The following CASZ1 variants were observed in gnomAD, a reference collection of about 807,000 sequenced individuals.
The protein encoded by CASZ1 is castor zinc finger 1, also known as zinc finger protein castor homolog 1.
A neutral mutation model predicts 135.2 loss-of-function variants in CASZ1; 28 were observed. The observed-to-expected ratio is 0.21, with a 90% CI of 0.15 to 0.28. CASZ1 has a LOEUF of 0.28. Ranked by LOEUF, CASZ1 falls within the 10% of genes least tolerant of loss-of-function variation. CASZ1 has a pLI of 1.00. For synonymous variants in CASZ1, 1,068 were observed against 1,073.4 expected, an observed-to-expected ratio of 0.99 and a Z score of 0.10; for missense variants, 2,161 against 2,453.3, an observed-to-expected ratio of 0.88 and a Z score of 2.52.
In CASZ1 at chr1:10,719,516, G is replaced by A. The variant is rs1266224131; in HGVS notation, c.-76-13972C>T. On this transcript the variant is annotated intron_variant, in intron 2 of 20. Coordinates refer to ENST00000377022, the MANE Select transcript of CASZ1 (RefSeq NM_001079843.3). The surrounding 1 kb of genome is among the most constrained non-coding windows in gnomAD (Gnocchi z 4.0). Reference sequence around the variant, plus strand: ...GGAGAAGGGATCCCTAAGAAGCAGCGCTGTGGGGAAGGTGGCACCGAACAA... The same window carrying A: ...GGAGAAGGGATCCCTAAGAAGCAGCACTGTGGGGAAGGTGGCACCGAACAA... 6.6e-6 allele frequency among the ~76,000 whole-genome samples: 1 copy of A among 152,194 alleles called. No individual in the cohort carries two copies. Among genetic ancestry groups the A allele is most frequent in the Non-Finnish European group, 1.5e-5 (1 of 68,032 alleles).
chr1:10,655,897 G>C, intron 8 of CASZ1, 84 bp from the exon 9 acceptor site: 1 of 1,424,668 alleles, frequency 7.0e-7, no homozygotes, highest in Non-Finnish European at 9.8e-7. Context: ...CCTGGGCCAG[G>C]TGCTGGCCTC....
rs1185179852 is a variant in CASZ1 at position 10,778,330 on chromosome 1, ACACACAATCTCACACTTCACCT to A, written c.-233-17495_-233-17474del. On this transcript the variant is annotated intron_variant, in intron 1 of 20. Transcript: ENST00000377022. ...CACAAGCACACACTCTCACACAACC[ACACACAATCTCACACTTCACCT>A]CACACAATCTCATAAACAATCTCAT... Among the ~76,000 whole-genome samples the A allele has an allele frequency of 1.3e-4, 20 of 152,038 alleles. No homozygotes were observed. In the East Asian group the frequency reaches 3.9e-3, roughly 29 times the overall value.
In CASZ1 at chr1:10,665,483, G is replaced by A. The variant is rs768773681; in HGVS notation, c.105C>T (p.Cys35=). The change falls in exon 5 of 21, where the codon TGC becomes TGT. Residue 35 remains cysteine (C), a synonymous_variant. Coordinates refer to ENST00000377022, the MANE Select transcript of CASZ1 (RefSeq NM_001079843.3). ...CCACCACCTGGCGGCTCAGCTTGGC[G>A]CAGATGGCGTTCAGCTTCAGGCCAC... ...RKGGLKLNAI[C]AKLSRQVVVE... is the part of the protein sequence containing the mutation. 1.1e-5 allele frequency: 18 copies of A among 1,607,756 alleles called. No individual in the cohort carries two copies. The highest frequency in any genetic ancestry group is 1.7e-5 in the Admixed American group (1 of 59,962).
In CASZ1 at chr1:10,659,777, A is replaced by C; in HGVS notation, c.1265T>G (p.Phe422Cys). The C allele has an allele frequency of 1.2e-6, 2 of 1,613,830 alleles. No individual in the cohort carries two copies. Among genetic ancestry groups the C allele is most frequent in the Non-Finnish European group, 1.7e-6 (2 of 1,179,856 alleles). Residue 422 changes from phenylalanine (F) to cysteine (C), a missense_variant, in exon 6 of 21, where the codon TTC becomes TGC. Physicochemically the swap from Phe to Cys is radical, Grantham distance 205. Coordinates refer to ENST00000377022, the MANE Select transcript of CASZ1 (RefSeq NM_001079843.3). ...TGACTTCAGGTACTCGGGAGTGTTGAAGGACAGGGAGGCAGGAGGCTCTGG... is the reference window on the plus strand; with the variant it reads ...TGACTTCAGGTACTCGGGAGTGTTGCAGGACAGGGAGGCAGGAGGCTCTGG... The part of the protein sequence containing the change: ...PGPEPPASLS[F>C]NTPEYLKSTF...
intron 6 of CASZ1, 113 bp from the exon 7 acceptor site, chr1:10,658,689 G>T: frequency 1.1e-6 from 1 of 929,064 alleles, no homozygotes; most frequent in Admixed American, 1.8e-5. Context: ...GCTCTGCTCT[G>T]CAGTGTCCGA....
rs1015076811 is a variant in CASZ1 at position 10,649,540 on chromosome 1, A to T, written c.2881-103T>A. 9.9e-6 allele frequency: 13 copies of T among 1,316,236 alleles called. No homozygotes were observed. In the African/African-American group the frequency reaches 1.9e-4, roughly 20 times the overall value. The allele number at this position is 1,316,236 out of a possible 1,614,324, so 81.5% of individuals were successfully genotyped here. A position where few individuals can be genotyped will look rare whatever the true frequency, so the allele number is the denominator to read the frequency against. Reference sequence around the variant, plus strand: ...AGCTCTGGGCTGCTGGGACCCACCCAGCCCTCAGAGCCAGCAGAGAATGCG... The same window carrying T: ...AGCTCTGGGCTGCTGGGACCCACCCTGCCCTCAGAGCCAGCAGAGAATGCG... On this transcript the variant is annotated intron_variant, in intron 13 of 20. Coordinates refer to ENST00000377022, the MANE Select transcript of CASZ1 (RefSeq NM_001079843.3).
At chr1:10,651,445 G>A (rs2100209362) in intron 11 of CASZ1, 1 of 164,780 alleles carries the variant, frequency 6.1e-6, no homozygotes, top group South Asian at 1.9e-4. Flanking sequence ...AGGGAAAGTG[G>A]CAGATCTGGA....
chr1:10,692,114 G>A (rs949974031), intron 4 of CASZ1, among the ~76,000 whole-genome samples: 1 of 152,172 alleles, frequency 6.6e-6, no homozygotes, highest in African/African-American at 2.4e-5. Flanking sequence ...CCTCCTACCA[G>A]GGCTGGGAGG....
At position 10,645,052 on chromosome 1, in the gene CASZ1, G is replaced by A. The variant is rs754932225; in HGVS notation, c.3733C>T (p.Leu1245Phe). ...GTCACAAAATAGCAGCCGGTGCGGA[G>A]GCAGTGGTAGTGCCCACGCATTCGG... is the stretch of plus-strand genomic sequence containing the variant. ...EFRMRGHYHC[L>F]RTGCYFVTNI... Residue 1245 changes from leucine (L) to phenylalanine (F), a missense_variant, in exon 18 of 21, where the codon CTC (leucine) becomes TTC (phenylalanine). Leu to Phe is a conservative substitution (Grantham distance 22, BLOSUM62 0). Coordinates refer to ENST00000377022, the MANE Select transcript of CASZ1 (RefSeq NM_001079843.3). The A allele has an allele frequency of 6.2e-7, 1 of 1,614,076 alleles. No homozygotes were observed. Among genetic ancestry groups the A allele is most frequent in the Non-Finnish European group, 8.5e-7 (1 of 1,180,008 alleles).
At position 10,676,159 on chromosome 1, in the gene CASZ1, G is replaced by T. The variant is rs3748687; in HGVS notation, c.17-10588C>A. On this transcript the variant is annotated intron_variant, in intron 4 of 20. Coordinates refer to ENST00000377022, the MANE Select transcript of CASZ1 (RefSeq NM_001079843.3). This position sits in a 1 kb window ranked among gnomAD's most constrained non-coding sequence, Gnocchi z 4.5. ...GGAGGGACAGCAGGAACCCCTGAGG[G>T]TCACACAGAATGTGTGATCTCAGGG... Among the ~76,000 whole-genome samples, 9 of 151,992 alleles carry T rather than the reference G, an allele frequency of 5.9e-5. No individual in the cohort carries two copies. The highest frequency in any genetic ancestry group is 2.2e-4 in the African/African-American group (9 of 41,386).
intron 2 of CASZ1, among the ~76,000 whole-genome samples, chr1:10,732,819 T>C (rs1639726499): frequency 6.6e-6 from 1 of 152,050 alleles, no homozygotes. Context: ...CATCAGGGCA[T>C]AAGGAGGAGC....
Position 10,647,433 on chromosome 1 carries a change from C to T in CASZ1, c.3497+368G>A. ...GAGATTCAGCCATGGGTGTGAGCCA[C>T]AGAGGAGGCCAATACGGAGGCTCGG... On this transcript the variant is annotated intron_variant, in intron 16 of 20. Transcript: ENST00000377022. The surrounding 1 kb of genome is among the most constrained non-coding windows in gnomAD (Gnocchi z 4.9). 1 of 1,151,364 alleles carries T rather than the reference C, an allele frequency of 8.7e-7. No homozygotes were observed. 71.3% of individuals were successfully genotyped at this position (1,151,364 alleles called of 1,614,324 possible).
intron 4 of CASZ1, among the ~76,000 whole-genome samples, chr1:10,671,471 G>C (rs192670841): frequency 6.6e-6 from 1 of 152,330 alleles, no homozygotes; most frequent in East Asian, 1.9e-4. Context: ...AGATGTGAGG[G>C]AAGGGGCTTC....
intron 2 of CASZ1, among the ~76,000 whole-genome samples, chr1:10,738,470 C>A (rs991195982): frequency 2.2e-4 from 33 of 152,370 alleles, no homozygotes; most frequent in African/African-American, 7.0e-4. Context: ...GAGAGGCCAC[C>A]TGCCTGCTGG....
chr1:10,649,167 C>T lies in CASZ1; in HGVS notation c.3061G>A (p.Gly1021Ser), dbSNP rs201245525. ...GCCTTGTGGAGGAAGTCACACTGGC[C>T]GTCACAGAAGTCCTTTGTACCAAAC... Reference protein sequence around the residue: ...RRFGTKDFCDGQCDFLHKAHF... With the variant: ...RRFGTKDFCDSQCDFLHKAHF... The change falls in exon 15 of 21, where the codon GGC becomes AGC. Residue 1021 changes from glycine to serine, a missense_variant. This residue lies in a region of CASZ1 where 349 missense variants were observed against 460.8 expected (regional missense o/e 0.76). Coordinates refer to ENST00000377022, the MANE Select transcript of CASZ1 (RefSeq NM_001079843.3). The T allele has an allele frequency of 4.3e-5, 69 of 1,613,574 alleles. 1 individual carries two copies. The highest frequency in any genetic ancestry group is 3.4e-4 in the South Asian group (31 of 91,080).
At chr1:10,685,255 G>A (rs939848395) in intron 4 of CASZ1, among the ~76,000 whole-genome samples, 1 of 152,196 alleles carries the variant, frequency 6.6e-6, no homozygotes, top group Non-Finnish European at 1.5e-5. Flanking sequence ...AGGGGAGTCT[G>A]GGGAGAACTG....
chr1:10,681,468 G>T (rs1045979766), intron 4 of CASZ1, among the ~76,000 whole-genome samples: 1 of 152,036 alleles, frequency 6.6e-6, no homozygotes, highest in Admixed American at 6.5e-5. Flanking sequence ...CTCAGAGCCC[G>T]GCCACCCCTC....
At chr1:10,690,677 A>C (rs492447) in intron 4 of CASZ1, among the ~76,000 whole-genome samples, 6,853 of 152,044 alleles carry the variant, frequency 0.045, 257 homozygotes, top group African/African-American at 0.11. Flanking sequence ...CCTCACCGGC[A>C]CCCCCTGCAG....
chr1:10,740,970 A>AAAAAAAAG (rs1420904968), intron 2 of CASZ1, among the ~76,000 whole-genome samples: 11 of 124,412 alleles, frequency 8.8e-5, no homozygotes, highest in Non-Finnish European at 4.7e-5. Context: ...CAAAAAAAAA[A>AAAAAAAAG]AAAAAAAGAA....
Sources: gnomAD v4.1 joint callset for allele counts (sites outside exome capture counted in the v4.1 genomes callset) on GRCh38, gnomAD v4.1.1 for gene constraint, gnomAD v4.1.1 regional missense constraint, Gnocchi (gnomAD v3.1) non-coding constraint, MANE v1.5 for transcripts, NCBI Gene and HGNC (gene_info 2026-07-23, HGNC 2026-07-21) for gene names.